Variants in HTR2C observed in about 807,000 individuals in gnomAD.
HTR2C encodes the protein 5-hydroxytryptamine (serotonin) receptor 2C, G protein-coupled.
In HTR2C, 5 loss-of-function variants were observed where a neutral mutation model predicts 21.0. That is an observed-to-expected ratio of 0.24 (90% CI 0.12 to 0.50). The LOEUF is 0.50. Ranked by LOEUF, HTR2C falls within the 20% of genes least tolerant of loss-of-function variation. The pLI is 0.98. For missense variants in HTR2C, 271 were observed against 371.2 expected (o/e 0.73, Z 2.22); for synonymous variants, 150 against 145.3 (o/e 1.03, Z -0.23).
At chrX:114,840,151 AAC>A (rs1163424207) in intron 4 of HTR2C, among the ~76,000 whole-genome samples, 3 of 110,494 alleles carry the variant, frequency 2.7e-5, no homozygotes, top group Non-Finnish European at 5.7e-5. Context: ...CACACACACT[AAC>A]ACACACACAT....
chrX:114,756,679 G>A (rs1243596308), intron 4 of HTR2C, among the ~76,000 whole-genome samples: 3 of 112,015 alleles, frequency 2.7e-5, no homozygotes, highest in African/African-American at 9.7e-5. Context: ...TAAGGATGGG[G>A]AGCAGAGAAG....
intron 5 of HTR2C, among the ~76,000 whole-genome samples, chrX:114,878,040 T>C (rs1169532608): frequency 1.1e-4 from 12 of 110,786 alleles, no homozygotes; most frequent in Admixed American, 1.1e-3. Context: ...CTATACACTG[T>C]TGAAAGTAGG....
intron 4 of HTR2C, among the ~76,000 whole-genome samples, chrX:114,738,111 G>T (rs1402168816): frequency 8.9e-6 from 1 of 111,848 alleles, no homozygotes; most frequent in African/African-American, 3.2e-5. Flanking sequence ...GTCTTCCAGA[G>T]GCTGGGGTGA....
intron 4 of HTR2C, among the ~76,000 whole-genome samples, chrX:114,794,607 A>G (rs1452678759): frequency 6.5e-5 from 6 of 92,689 alleles, no homozygotes; most frequent in African/African-American, 2.5e-4. Context: ...ATTCCCACCT[A>G]TGAGTGAGAA....
At chrX:114,623,542 G>T (rs995023169) in intron 2 of HTR2C, among the ~76,000 whole-genome samples, 2 of 111,760 alleles carry the variant, frequency 1.8e-5, no homozygotes, top group Non-Finnish European at 3.8e-5. Flanking sequence ...TTTAGATGAG[G>T]CTATATAAGA....
intron 4 of HTR2C, among the ~76,000 whole-genome samples, chrX:114,833,998 T>A (rs1295456748): frequency 1.8e-5 from 2 of 110,422 alleles, no homozygotes; most frequent in African/African-American, 3.3e-5. Flanking sequence ...AGTTTCCATG[T>A]AGTTGAGCGG....
chrX:114,669,748 G>C (rs1556411385), intron 2 of HTR2C, among the ~76,000 whole-genome samples: 1 of 111,946 alleles, frequency 8.9e-6, no homozygotes, highest in Non-Finnish European at 1.9e-5. Context: ...CAATAAACTA[G>C]GGGTGTTTTA....
intron 1 of HTR2C, among the ~76,000 whole-genome samples, chrX:114,609,999 T>TA (rs1928654034): frequency 8.9e-6 from 1 of 111,863 alleles, no homozygotes; most frequent in African/African-American, 3.2e-5. Flanking sequence ...ACTCTACATT[T>TA]AAAATATGCA....
chrX:114,740,778 C>T (rs2069637262), intron 4 of HTR2C, among the ~76,000 whole-genome samples: 1 of 111,686 alleles, frequency 9.0e-6, no homozygotes, highest in African/African-American at 3.2e-5. Context: ...GTACAATATA[C>T]ATTCTGTCTA....
At chrX:114,588,268 C>T (rs1168756904) in intron 1 of HTR2C, among the ~76,000 whole-genome samples, 1 of 112,050 alleles carries the variant, frequency 8.9e-6, no homozygotes, top group Admixed American at 9.5e-5. Context: ...CATGGTTTTC[C>T]ATATAACTTG....
chrX:114,832,622 A>G (rs2070739772), intron 4 of HTR2C, among the ~76,000 whole-genome samples: 1 of 34,638 alleles, frequency 2.9e-5, no homozygotes, highest in African/African-American at 5.9e-5. Flanking sequence ...GGTTTTCTAG[A>G]TATACAATCA....
At position 114,735,881 on chromosome X, in the gene HTR2C, G is replaced by C. The variant is rs373780688; in HGVS notation, c.349+4274G>C. Reference sequence around the variant, plus strand: ...TGTAATCAGCACTTTGGGAGGCCGAGGTGGGCAGATCACGAGGTCAGGAGA... The same window carrying C: ...TGTAATCAGCACTTTGGGAGGCCGACGTGGGCAGATCACGAGGTCAGGAGA... On this transcript the variant is annotated intron_variant, in intron 4 of 5. Transcript: ENST00000276198. Among the ~76,000 whole-genome samples, 12 of 111,318 alleles carry C rather than the reference G, an allele frequency of 1.1e-4. No individual in the cohort carries two copies. The East Asian group carries it at 3.1e-3, about 29-fold the overall frequency.
chrX:114,736,106 C>G (rs1413515061), intron 4 of HTR2C, among the ~76,000 whole-genome samples: 1 of 106,509 alleles, frequency 9.4e-6, no homozygotes, highest in Non-Finnish European at 1.9e-5. Context: ...GAGCGAGACT[C>G]TATTTCAAAA....
chrX:114,607,986 C>CA (rs1297279506), intron 1 of HTR2C, among the ~76,000 whole-genome samples: 7 of 109,733 alleles, frequency 6.4e-5, no homozygotes, highest in African/African-American at 1.7e-4. Flanking sequence ...AACTCCACCT[C>CA]AAAAAAAACA....
intron 2 of HTR2C, among the ~76,000 whole-genome samples, chrX:114,672,056 G>A (rs1230505038): frequency 9.0e-6 from 1 of 111,334 alleles, no homozygotes; most frequent in Non-Finnish European, 1.9e-5. Flanking sequence ...AAACCGTTGG[G>A]CTTCTGCTAG....
chrX:114,806,438 A>T (rs1429344444), intron 4 of HTR2C, among the ~76,000 whole-genome samples: 2,381 of 10,751 alleles, frequency 0.22, 437 homozygotes, highest in East Asian at 0.68. Flanking sequence ...TATATACACC[A>T]TATATATATA....
intron 1 of HTR2C, among the ~76,000 whole-genome samples, chrX:114,607,127 G>T (rs1556397260): frequency 9.0e-6 from 1 of 110,838 alleles, no homozygotes; most frequent in African/African-American, 3.3e-5. Flanking sequence ...ATCAGTTAAG[G>T]TGGGGCAGGG....
At chrX:114,697,832 A>T (rs2147864785) in intron 2 of HTR2C, among the ~76,000 whole-genome samples, 1 of 112,520 alleles carries the variant, frequency 8.9e-6, no homozygotes, top group East Asian at 2.8e-4. Context: ...TAGTAGCTTA[A>T]AACAATACCC....
intron 2 of HTR2C, among the ~76,000 whole-genome samples, chrX:114,631,087 C>T (rs1556404216): frequency 9.0e-6 from 1 of 111,521 alleles, no homozygotes; most frequent in African/African-American, 3.3e-5. Context: ...AGGCAGATCA[C>T]AAGGTCAAGA....
Sources: allele counts gnomAD v4.1 joint callset (sites outside exome capture counted in the v4.1 genomes callset), GRCh38; gene constraint gnomAD v4.1.1; transcripts MANE v1.5; gene names NCBI Gene and HGNC (gene_info 2026-07-23, HGNC 2026-07-21).